The following PSMD14 variants were observed in gnomAD, a reference collection of about 807,000 sequenced individuals.
PSMD14 encodes the protein proteasome 26S subunit, non-ATPase 14.
Under a neutral mutation model 41.2 loss-of-function variants are expected in PSMD14, and 7 were observed. The ratio of observed to expected loss-of-function variants is 0.17; its 90% CI spans 0.10 to 0.32. The LOEUF (loss-of-function observed/expected upper bound fraction) is 0.32, where lower values mean the gene tolerates loss of function less well. PSMD14 is among the 10% of genes least tolerant of loss of function. PSMD14 has a pLI of 1.00. For missense variants in PSMD14, 139 were observed against 375.6 expected, an observed-to-expected ratio of 0.37 and a Z score of 5.21; for synonymous variants, 114 against 122.3, an observed-to-expected ratio of 0.93 and a Z score of 0.45.
Position 161,411,322 on chromosome 2 carries a change from G to A in PSMD14, c.855G>A (p.Glu285=). Residue 285 remains glutamate (E), a synonymous_variant, in exon 12 of 12, where the codon GAG becomes GAA. Transcript: ENST00000409682. ...TTTAGGACCCCAAACGTCATTTGGA[G>A]GAACATGTGGATGTACTTATGACCT... ...VGKQDPKRHL[E]EHVDVLMTSN... is the part of the protein sequence containing the mutation. The A allele has an allele frequency of 6.2e-7, 1 of 1,607,294 alleles. No homozygotes were observed. Among genetic ancestry groups the A allele is most frequent in the Non-Finnish European group, 8.5e-7 (1 of 1,176,474 alleles).
intron 3 of PSMD14, among the ~76,000 whole-genome samples, chr2:161,326,371 T>A (rs924023481): frequency 6.6e-6 from 1 of 152,192 alleles, no homozygotes; most frequent in Non-Finnish European, 1.5e-5. Context: ...TTTGAATGGC[T>A]ATTATCCAAA....
chr2:161,313,196 C>T (rs530565832), intron 1 of PSMD14, among the ~76,000 whole-genome samples: 1 of 152,250 alleles, frequency 6.6e-6, no homozygotes, highest in South Asian at 2.1e-4. Flanking sequence ...AGTCATAGTA[C>T]TTGACTCTCA....
chr2:161,329,653 A>G (rs73971184), intron 3 of PSMD14, among the ~76,000 whole-genome samples: 4,762 of 152,240 alleles, frequency 0.031, 245 homozygotes, highest in African/African-American at 0.1. Flanking sequence ...ACTACAAATA[A>G]TGGTGATTTT....
intron 7 of PSMD14, among the ~76,000 whole-genome samples, chr2:161,373,285 A>C (rs1683463980): frequency 6.6e-6 from 1 of 151,888 alleles, no homozygotes; most frequent in African/African-American, 2.4e-5. Context: ...TTTGTATGTT[A>C]GGAAGAAATC....
In PSMD14 at chr2:161,387,026, C is replaced by T. The variant is rs565984642; in HGVS notation, c.570+1455C>T. Among the ~76,000 whole-genome samples the T allele has an allele frequency of 9.9e-5, 15 of 152,054 alleles. 1 individual carries two copies. The South Asian group carries it at 3.1e-3, about 32-fold the overall frequency. ...AAGCAGGTTCCAAACCTGTGTTAAA[C>T]AACATGTGTATGTAACAACTACAGC... On this transcript the variant is annotated intron_variant, in intron 8 of 11. Coordinates refer to ENST00000409682, the MANE Select transcript of PSMD14 (RefSeq NM_005805.6).
intron 10 of PSMD14, among the ~76,000 whole-genome samples, chr2:161,396,963 G>T (rs748231530): frequency 2.1e-4 from 32 of 152,052 alleles, no homozygotes; most frequent in Non-Finnish European, 7.4e-5. Flanking sequence ...AAGTAGCTGG[G>T]ATTACAGGCG....
rs1026521810 is a variant in PSMD14 at position 161,369,003 on chromosome 2, A to G, written c.240+1100A>G. On this transcript the variant is annotated intron_variant, in intron 5 of 11. Transcript: ENST00000409682. ...TTGATATCCATTATATTTATTTTAT[A>G]CATTTGGAAATAGAGAAACACTCTA... Among the ~76,000 whole-genome samples, 3 of 152,102 alleles carry G rather than the reference A, an allele frequency of 2.0e-5. No homozygotes were observed. In the East Asian group the frequency reaches 5.8e-4, roughly 29 times the overall value.
intron 10 of PSMD14, chr2:161,408,548 A>G: frequency 2.9e-6 from 1 of 341,630 alleles, no homozygotes; most frequent in Non-Finnish European, 5.6e-6. Flanking sequence ...CATCTCCTGA[A>G]GAATTCAGTA....
intron 3 of PSMD14, among the ~76,000 whole-genome samples, chr2:161,345,719 A>G (rs1225588268): frequency 1.3e-5 from 2 of 151,998 alleles, no homozygotes; most frequent in Admixed American, 1.3e-4. Flanking sequence ...ATTTGGACAA[A>G]TTTTGGTCAC....
At chr2:161,327,881 AAAAC>A (rs977470235) in intron 3 of PSMD14, among the ~76,000 whole-genome samples, 3 of 151,586 alleles carry the variant, frequency 2.0e-5, no homozygotes, top group Non-Finnish European at 2.9e-5. Context: ...GATTAGTTAA[AAAAC>A]AAACAAACCT....
intron 3 of PSMD14, among the ~76,000 whole-genome samples, chr2:161,336,903 C>T (rs1300886073): frequency 6.6e-6 from 1 of 152,186 alleles, no homozygotes; most frequent in African/African-American, 2.4e-5. Context: ...TCTTAATACA[C>T]TGGCAATTAT....
chr2:161,360,590 G>A (rs1483536271), intron 3 of PSMD14, among the ~76,000 whole-genome samples: 5 of 152,000 alleles, frequency 3.3e-5, no homozygotes, highest in Middle Eastern at 3.2e-3. Context: ...CCTGACCTCA[G>A]GTGATCCGCT....
chr2:161,329,983 A>G (rs1682761648), intron 3 of PSMD14, among the ~76,000 whole-genome samples: 1 of 152,178 alleles, frequency 6.6e-6, no homozygotes, highest in Non-Finnish European at 1.5e-5. Flanking sequence ...TAGGTACATG[A>G]TAGTTAACCT....
chr2:161,337,465 G>GA (rs1372248874), intron 3 of PSMD14, among the ~76,000 whole-genome samples: 7 of 152,146 alleles, frequency 4.6e-5, no homozygotes, highest in Non-Finnish European at 8.8e-5. Flanking sequence ...ATTCACAAGG[G>GA]AAAATGGGTC....
intron 1 of PSMD14, among the ~76,000 whole-genome samples, chr2:161,310,220 TA>T (rs1689073013): frequency 6.6e-6 from 1 of 152,242 alleles, no homozygotes; most frequent in South Asian, 2.1e-4. Context: ...ACTGGCCATG[TA>T]AACCATGTGC....
intron 3 of PSMD14, among the ~76,000 whole-genome samples, chr2:161,328,157 A>G (rs1682730403): frequency 1.3e-5 from 2 of 152,296 alleles, no homozygotes; most frequent in Admixed American, 6.5e-5. Context: ...GTTACTAAAC[A>G]ATTCCATTTA....
chr2:161,390,318 T>C (rs1166413861), intron 8 of PSMD14, among the ~76,000 whole-genome samples: 1 of 152,172 alleles, frequency 6.6e-6, no homozygotes, highest in Non-Finnish European at 1.5e-5. Context: ...AAAGGTTTAT[T>C]TCTGACTTTC....
chr2:161,340,895 G>A lies in PSMD14; in HGVS notation c.48+22022G>A, dbSNP rs994259594. 8 of 1,613,860 alleles carry A rather than the reference G, an allele frequency of 5.0e-6. No homozygotes were observed. The Admixed American group carries it at 6.7e-5, about 13-fold the overall frequency. Reference sequence around the variant, plus strand: ...ACTGGTTTCCCCTCAGCTTCCCGGGGCTGTATTTGAAGGAGAAGCCTTCTC... The same window carrying A: ...ACTGGTTTCCCCTCAGCTTCCCGGGACTGTATTTGAAGGAGAAGCCTTCTC... On this transcript the variant is annotated intron_variant, in intron 3 of 11. Coordinates refer to ENST00000409682, the MANE Select transcript of PSMD14 (RefSeq NM_005805.6).
chr2:161,391,871 TC>T (rs1683716580), intron 9 of PSMD14, among the ~76,000 whole-genome samples: 1 of 152,158 alleles, frequency 6.6e-6, no homozygotes, highest in Non-Finnish European at 1.5e-5. Context: ...AGTGCTGCAA[TC>T]ATTAGCATGA....
Sources: allele counts gnomAD v4.1 joint callset (sites outside exome capture counted in the v4.1 genomes callset), GRCh38; gene constraint gnomAD v4.1.1; transcripts MANE v1.5; gene names NCBI Gene and HGNC (gene_info 2026-07-23, HGNC 2026-07-21).